The following SH3RF3 variants were observed in gnomAD, a reference collection of about 807,000 sequenced individuals.
SH3RF3 encodes SH3 domain containing ring finger 3, also known as E3 ubiquitin-protein ligase SH3RF3.
SH3RF3 carries 29 observed loss-of-function variants against 66.3 expected under a neutral mutation model. That is an observed-to-expected ratio of 0.44 (90% CI 0.33 to 0.60). The LOEUF (loss-of-function observed/expected upper bound fraction) is 0.60, where lower values mean the gene tolerates loss of function less well. SH3RF3 is among the 20% of genes least tolerant of loss of function. The pLI, the probability that SH3RF3 is intolerant of heterozygous loss-of-function variation, is 0.04. For synonymous variants in SH3RF3, 583 were observed against 532.0 expected (o/e 1.10, Z -1.32); for missense variants, 1,194 against 1,190.9 (o/e 1.00, Z -0.04).
At chr2:109,192,369 C>G (rs1377709692) in intron 1 of SH3RF3, among the ~76,000 whole-genome samples, 1 of 152,200 alleles carries the variant, frequency 6.6e-6, no homozygotes, top group African/African-American at 2.4e-5. Context: ...GAGCAGGCAT[C>G]ATTCTCAAAA....
chr2:109,450,051 A>T (rs926058076), intron 8 of SH3RF3, among the ~76,000 whole-genome samples: 1 of 152,198 alleles, frequency 6.6e-6, no homozygotes, highest in Middle Eastern at 3.2e-3. Flanking sequence ...CTGATTTCAT[A>T]AAAGAAAATC....
At chr2:109,318,508 G>A (rs1681940219) in intron 1 of SH3RF3, among the ~76,000 whole-genome samples, 1 of 152,200 alleles carries the variant, frequency 6.6e-6, no homozygotes, top group Non-Finnish European at 1.5e-5. Flanking sequence ...CAATCATTTT[G>A]GCGACCGTGG....
chr2:109,184,886 C>T (rs760394912), intron 1 of SH3RF3, among the ~76,000 whole-genome samples: 2 of 152,074 alleles, frequency 1.3e-5, no homozygotes, highest in African/African-American at 2.4e-5. Flanking sequence ...GGTCCCTCAG[C>T]GAAAAAGGCC....
chr2:109,489,778 C>T (rs924433838), intron 8 of SH3RF3, among the ~76,000 whole-genome samples: 67 of 151,962 alleles, frequency 4.4e-4, no homozygotes, highest in Non-Finnish European at 7.1e-4. Context: ...CGCTCTGTCA[C>T]CCAGGCTGGA....
At chr2:109,245,765 C>T (rs185191022) in intron 1 of SH3RF3, among the ~76,000 whole-genome samples, 91 of 152,238 alleles carry the variant, frequency 6.0e-4, no homozygotes, top group Non-Finnish European at 9.6e-4. Context: ...GCTATAATTC[C>T]TGGACCTTCA....
At chr2:109,188,079 G>A (rs192680046) in intron 1 of SH3RF3, among the ~76,000 whole-genome samples, 2 of 152,244 alleles carry the variant, frequency 1.3e-5, no homozygotes, top group South Asian at 2.1e-4. Context: ...GAGTGGTCCC[G>A]AACTGCAGAT....
intron 8 of SH3RF3, among the ~76,000 whole-genome samples, chr2:109,469,642 C>A (rs1300174563): frequency 1.3e-5 from 2 of 152,130 alleles, no homozygotes; most frequent in Non-Finnish European, 2.9e-5. Context: ...GAGCACTGGT[C>A]TTGTGTACTT....
chr2:109,422,029 A>G (rs1043998072), intron 5 of SH3RF3, among the ~76,000 whole-genome samples: 1 of 152,188 alleles, frequency 6.6e-6, no homozygotes, highest in African/African-American at 2.4e-5. Flanking sequence ...CTGCTCACCT[A>G]TCCTCTTTAA....
Position 109,326,725 on chromosome 2 carries a change from T to TA in SH3RF3, c.574-20948dup, listed in dbSNP as rs1189319776. On this transcript the variant is annotated intron_variant, in intron 1 of 9. Coordinates refer to ENST00000309415, the MANE Select transcript of SH3RF3 (RefSeq NM_001099289.3). ...TTCTTGAAGATAGATGGGTAGTTCT[T>TA]ACCTGGTGTTTACTGCCACTGTTCT... Among the ~76,000 whole-genome samples the TA allele has an allele frequency of 3.8e-4, 58 of 152,266 alleles. 3 individuals are homozygous for TA. The highest frequency in any genetic ancestry group is 2.9e-5 in the Non-Finnish European group (2 of 68,052).
At chr2:109,213,350 C>A (rs1311988861) in intron 1 of SH3RF3, among the ~76,000 whole-genome samples, 2 of 152,180 alleles carry the variant, frequency 1.3e-5, no homozygotes, top group Non-Finnish European at 2.9e-5. Context: ...ATCTTGTCCT[C>A]CAGTGATAAC....
chr2:109,217,706 G>T (rs1056943088), intron 1 of SH3RF3, among the ~76,000 whole-genome samples: 1 of 152,168 alleles, frequency 6.6e-6, no homozygotes, highest in African/African-American at 2.4e-5. Context: ...GACCTTTTTG[G>T]GGGAGGGTGG....
At chr2:109,232,427 G>A (rs745483438) in intron 1 of SH3RF3, among the ~76,000 whole-genome samples, 6 of 152,194 alleles carry the variant, frequency 3.9e-5, no homozygotes, top group Non-Finnish European at 7.3e-5. Context: ...TAATTTCTCT[G>A]AGCCCTGGTC....
At chr2:109,290,738 C>G (rs1346085536) in intron 1 of SH3RF3, among the ~76,000 whole-genome samples, 2 of 152,256 alleles carry the variant, frequency 1.3e-5, no homozygotes, top group Admixed American at 6.5e-5. Flanking sequence ...GGAGGTGCTG[C>G]TGTTACACCC....
intron 1 of SH3RF3, among the ~76,000 whole-genome samples, chr2:109,243,751 T>C (rs1679844192): frequency 6.6e-6 from 1 of 152,052 alleles, no homozygotes; most frequent in Non-Finnish European, 1.5e-5. Flanking sequence ...AACCTCGGGG[T>C]GGCCCGAGTG....
intron 2 of SH3RF3, among the ~76,000 whole-genome samples, chr2:109,353,021 C>T (rs1682873075): frequency 6.6e-6 from 1 of 152,260 alleles, no homozygotes. Context: ...CTGGCCGCTG[C>T]AGCTGCCCCA....
At chr2:109,453,847 G>C (rs1239110116) in intron 8 of SH3RF3, among the ~76,000 whole-genome samples, 3 of 152,192 alleles carry the variant, frequency 2.0e-5, no homozygotes, top group Non-Finnish European at 2.9e-5. Flanking sequence ...GAGACTTCCC[G>C]GGGCACAGAT....
At position 109,398,867 on chromosome 2, in the gene SH3RF3, T is replaced by C. The variant is rs2104440703; in HGVS notation, c.1223T>C (p.Leu408Ser). ...RHSMEISAPV[L>S]ISSSDPRAAA... ...TCCATGGAAATTAGTGCTCCAGTGT[T>C]GATCAGCTCCAGCGATCCCCGAGCC... Residue 408 changes from leucine (L) to serine (S), a missense_variant, in exon 4 of 10, where the codon TTG becomes TCG. Coordinates refer to ENST00000309415, the MANE Select transcript of SH3RF3 (RefSeq NM_001099289.3). 1.2e-6 allele frequency: 2 copies of C among 1,613,866 alleles called. No individual in the cohort carries two copies. Among genetic ancestry groups the C allele is most frequent in the South Asian group, 1.1e-5 (1 of 91,070 alleles).
chr2:109,182,045 T>C (rs1478316550), intron 1 of SH3RF3, among the ~76,000 whole-genome samples: 1 of 152,190 alleles, frequency 6.6e-6, no homozygotes, highest in African/African-American at 2.4e-5. Flanking sequence ...GTGATAAACA[T>C]ATGTATGCCG....
chr2:109,259,300 G>A (rs543099131), intron 1 of SH3RF3, among the ~76,000 whole-genome samples: 1 of 152,214 alleles, frequency 6.6e-6, no homozygotes, highest in East Asian at 1.9e-4. Context: ...CTCTGAGTGT[G>A]CAGAGGCCTG....
Sources: allele counts gnomAD v4.1 joint callset (sites outside exome capture counted in the v4.1 genomes callset), GRCh38; gene constraint gnomAD v4.1.1; transcripts MANE v1.5; gene names NCBI Gene and HGNC (gene_info 2026-07-23, HGNC 2026-07-21).